The following DLGAP1 variants were observed in gnomAD, a reference collection of about 807,000 sequenced individuals.
The protein encoded by DLGAP1 is DLG associated protein 1, also known as disks large-associated protein 1.
A neutral mutation model predicts 90.8 loss-of-function variants in DLGAP1; 11 were observed. That is an observed-to-expected ratio of 0.12 (90% CI 0.08 to 0.20). DLGAP1 has a LOEUF of 0.20. Ranked by LOEUF, DLGAP1 falls within the 10% of genes least tolerant of loss-of-function variation. The probability of loss-of-function intolerance (pLI) is 1.00; values close to 1 mark genes in which losing one functional copy is unlikely to be tolerated. For missense variants in DLGAP1, 1,050 were observed against 1,333.8 expected (o/e 0.79, Z 3.31); for synonymous variants, 558 against 540.7 (o/e 1.03, Z -0.44).
intron 1 of DLGAP1, among the ~76,000 whole-genome samples, chr18:4,448,231 T>C (rs1311354686): frequency 1.3e-5 from 2 of 152,192 alleles, no homozygotes; most frequent in African/African-American, 4.8e-5. Flanking sequence ...ATAAGTACAT[T>C]TGAGCACCAG....
intron 5 of DLGAP1, among the ~76,000 whole-genome samples, chr18:3,763,780 G>T (rs2064086000): frequency 6.6e-6 from 1 of 151,684 alleles, no homozygotes; most frequent in African/African-American, 2.4e-5. Flanking sequence ...TATCCTGTCA[G>T]TCTCCCAAGT....
chr18:3,897,819 GCT>G, intron 3 of DLGAP1, among the ~76,000 whole-genome samples: 1 of 119,328 alleles, frequency 8.4e-6, no homozygotes, highest in East Asian at 2.4e-4. Flanking sequence ...ACGGAGTCTC[GCT>G]CTGTCGCCCA....
intron 3 of DLGAP1, among the ~76,000 whole-genome samples, chr18:3,889,550 CA>C (rs2071406715): frequency 6.6e-6 from 1 of 152,158 alleles, no homozygotes; most frequent in African/African-American, 2.4e-5. Context: ...AAAGTGCAGA[CA>C]TTAAGCCCTT....
intron 3 of DLGAP1, among the ~76,000 whole-genome samples, chr18:3,908,886 A>T (rs1358571524): frequency 2.6e-5 from 4 of 152,230 alleles, no homozygotes; most frequent in Non-Finnish European, 5.9e-5. Flanking sequence ...TGCATATTTC[A>T]GTCTGTAAAA....
intron 5 of DLGAP1, among the ~76,000 whole-genome samples, chr18:3,753,817 C>G (rs984460564): frequency 3.3e-5 from 5 of 152,180 alleles, no homozygotes; most frequent in African/African-American, 1.2e-4. Context: ...ATTGGCTGAT[C>G]ACTAAACTAT....
chr18:4,385,248 C>T (rs76855748), intron 1 of DLGAP1, among the ~76,000 whole-genome samples: 8,042 of 152,070 alleles, frequency 0.053, 422 homozygotes, highest in African/African-American at 0.13. Context: ...TGATCTCAGG[C>T]AGCATATAGA....
chr18:3,588,391 G>A (rs1197610866), intron 7 of DLGAP1, among the ~76,000 whole-genome samples: 7 of 151,978 alleles, frequency 4.6e-5, no homozygotes, highest in African/African-American at 7.3e-5. Context: ...CCTGGGAGGC[G>A]GAGGTTGCGG....
intron 2 of DLGAP1, among the ~76,000 whole-genome samples, chr18:4,074,121 G>A (rs2075490621): frequency 6.6e-6 from 1 of 152,086 alleles, no homozygotes; most frequent in Non-Finnish European, 1.5e-5. Context: ...GCATACAGTA[G>A]ATGAAAATGT....
At chr18:4,289,148 C>T (rs1213123162) in intron 1 of DLGAP1, among the ~76,000 whole-genome samples, 2 of 152,172 alleles carry the variant, frequency 1.3e-5, no homozygotes, top group African/African-American at 4.8e-5. Flanking sequence ...AAGCTGCTCA[C>T]TCTCCTAGGA....
Position 3,879,678 on chromosome 18 carries a change from G to A in DLGAP1, c.391C>T (p.Arg131Cys), listed in dbSNP as rs1344032507. 23 of 1,606,930 alleles carry A rather than the reference G, an allele frequency of 1.4e-5. No homozygotes were observed. The Admixed American group carries it at 3.2e-4, about 22-fold the overall frequency. Residue 131 changes from arginine to cysteine, a missense_variant, in exon 4 of 13, where the codon CGC becomes TGC. Around this residue, in one of 2 missense-constraint regions of DLGAP1, gnomAD observed 485 missense variants for 454.1 expected, o/e 1.07. Coordinates refer to ENST00000315677, the MANE Select transcript of DLGAP1 (RefSeq NM_004746.4). This position sits in a 1 kb window ranked among gnomAD's most constrained non-coding sequence, Gnocchi z 6.6. ...LQYKRTAVEHRSDSPGRIRHL... is the reference protein window; with the variant it reads ...LQYKRTAVEHCSDSPGRIRHL... Reference sequence around the variant, plus strand: ...CGGATGCGGCCGGGGCTGTCGCTGCGGTGCTCCACGGCCGTGCGCTTGTAC... The same window carrying A: ...CGGATGCGGCCGGGGCTGTCGCTGCAGTGCTCCACGGCCGTGCGCTTGTAC...
intron 10 of DLGAP1, among the ~76,000 whole-genome samples, chr18:3,519,336 T>C (rs1452109349): frequency 1.3e-5 from 2 of 152,216 alleles, no homozygotes; most frequent in Non-Finnish European, 2.9e-5. Flanking sequence ...GCCATGTGAC[T>C]TGATGACACC....
chr18:3,942,889 T>A (rs775775801), intron 3 of DLGAP1, among the ~76,000 whole-genome samples: 10 of 152,146 alleles, frequency 6.6e-5, no homozygotes, highest in Non-Finnish European at 1.5e-5. Context: ...GGAGTAACGA[T>A]TTGGGTAGAA....
chr18:3,967,390 A>G (rs2073353005), intron 3 of DLGAP1, among the ~76,000 whole-genome samples: 1 of 152,166 alleles, frequency 6.6e-6, no homozygotes. Context: ...TAGAACAGTG[A>G]TTCTCAAGAT....
chr18:3,717,308 T>C (rs68054361), intron 7 of DLGAP1, among the ~76,000 whole-genome samples: 39,290 of 151,846 alleles, frequency 0.26, 5,588 homozygotes, highest in East Asian at 0.45. Context: ...AGTACCAAGG[T>C]TGTATTAGCC....
chr18:3,500,155 A>G (rs2049855226), intron 12 of DLGAP1, among the ~76,000 whole-genome samples: 1 of 152,204 alleles, frequency 6.6e-6, no homozygotes, highest in African/African-American at 2.4e-5. Flanking sequence ...AAACTGTGCC[A>G]TGAAAAGTTG....
chr18:3,980,030 G>C (rs2073691280), intron 3 of DLGAP1, among the ~76,000 whole-genome samples: 1 of 152,134 alleles, frequency 6.6e-6, no homozygotes, highest in Non-Finnish European at 1.5e-5. Flanking sequence ...CAGCTACTTG[G>C]GAGGTTGAGA....
At chr18:4,133,574 G>A (rs2076352344) in intron 2 of DLGAP1, among the ~76,000 whole-genome samples, 1 of 152,038 alleles carries the variant, frequency 6.6e-6, no homozygotes, top group African/African-American at 2.4e-5. Context: ...AGTGGCTAAG[G>A]GCTCTGGTTT....
chr18:4,081,585 T>A (rs951572897), intron 2 of DLGAP1, among the ~76,000 whole-genome samples: 1 of 152,158 alleles, frequency 6.6e-6, no homozygotes, highest in Non-Finnish European at 1.5e-5. Context: ...TGAAGTTGTC[T>A]CATCTGCTTA....
At chr18:4,130,098 A>G (rs2076291381) in intron 2 of DLGAP1, among the ~76,000 whole-genome samples, 1 of 152,234 alleles carries the variant, frequency 6.6e-6, no homozygotes, top group South Asian at 2.1e-4. Context: ...TTTCACTGCA[A>G]GAACATCATT....
Sources: gnomAD v4.1 joint callset for allele counts (sites outside exome capture counted in the v4.1 genomes callset) on GRCh38, gnomAD v4.1.1 for gene constraint, gnomAD v4.1.1 regional missense constraint, Gnocchi (gnomAD v3.1) non-coding constraint, MANE v1.5 for transcripts, NCBI Gene and HGNC (gene_info 2026-07-23, HGNC 2026-07-21) for gene names.